Variants in KDM1B observed in about 807,000 individuals in gnomAD.
KDM1B encodes lysine-specific histone demethylase 2.
In KDM1B, 63 loss-of-function variants were observed where a neutral mutation model predicts 107.4. The ratio of observed to expected loss-of-function variants is 0.59; its 90% CI spans 0.48 to 0.72. The LOEUF (loss-of-function observed/expected upper bound fraction) is 0.72. Among genes scored for constraint, KDM1B ranks in the 30% least tolerant of loss-of-function variants. The pLI is 0.00. For synonymous variants in KDM1B, 363 were observed against 363.9 expected, an observed-to-expected ratio of 1.00 and a Z score of 0.03; for missense variants, 749 against 1,020.8, an observed-to-expected ratio of 0.73 and a Z score of 3.63.
rs1440612448 is a variant in KDM1B, at chr6:18,155,875, C to A, written c.-57-8C>A. On this transcript the variant is annotated splice_region_variant and splice_polypyrimidine_tract_variant and intron_variant, in intron 1 of 21. Coordinates refer to ENST00000650836, the MANE Select transcript of KDM1B (RefSeq NM_001364614.2). This position sits in a 1 kb window ranked among gnomAD's most constrained non-coding sequence, Gnocchi z 6.2. ...CTAACCCCCCTACAATGTTTCCTTT[C>A]TGTACAGCGGTGCCTTTTCCCCGAG... 1 of 152,272 alleles carries A rather than the reference C, an allele frequency of 6.6e-6. No homozygotes were observed. The highest frequency in any genetic ancestry group is 1.5e-5 in the Non-Finnish European group (1 of 68,100). The allele number at this position is 152,272 out of a possible 1,614,324, so 9.4% of individuals were successfully genotyped here. A position where few individuals can be genotyped will look rare whatever the true frequency, so the allele number is the denominator to read the frequency against.
At position 18,179,840 on chromosome 6, in the gene KDM1B, G is replaced by GATA. The variant is rs1561921251; in HGVS notation, c.535-5932_535-5931insATA. ...TCCAAAATCTTTCAATTTAGCATTG[G>GATA]TTTTTTTTCCTTTTTTTTTTTTTTT... On this transcript the variant is annotated intron_variant, in intron 7 of 21. Coordinates refer to ENST00000650836, the MANE Select transcript of KDM1B (RefSeq NM_001364614.2). 2.6e-3 allele frequency among the ~76,000 whole-genome samples: 203 copies of GATA among 79,228 alleles called. 60 individuals are homozygous for GATA. Among genetic ancestry groups the GATA allele is most frequent in the African/African-American group, 5.8e-3 (109 of 18,954 alleles). The allele number at this position is 79,228 out of a possible 152,430, so 52.0% of individuals were successfully genotyped here. A position where few individuals can be genotyped will look rare whatever the true frequency, so the allele number is the denominator to read the frequency against.
chr6:18,220,202 T>C (rs1789574341), intron 21 of KDM1B, among the ~76,000 whole-genome samples: 1 of 152,208 alleles, frequency 6.6e-6, no homozygotes, highest in Non-Finnish European at 1.5e-5. Context: ...TTTAATATGG[T>C]TTAGAAGTAC....
chr6:18,206,256 C>T (rs1788364817), intron 15 of KDM1B, among the ~76,000 whole-genome samples: 1 of 151,580 alleles, frequency 6.6e-6, no homozygotes, highest in African/African-American at 2.4e-5. Context: ...TGGCTCCCTT[C>T]TGTAATCCCA....
rs1784562853 is a variant in KDM1B, at chr6:18,155,919, G to C, written c.-21G>C. The C allele has an allele frequency of 6.6e-6, 1 of 152,166 alleles. No individual in the cohort carries two copies. Among genetic ancestry groups the C allele is most frequent in the African/African-American group, 2.4e-5 (1 of 41,440 alleles). The allele number at this position is 152,166 out of a possible 1,614,324, so 9.4% of individuals were successfully genotyped here. On this transcript the variant is annotated 5_prime_UTR_variant, in exon 2 of 22. Transcript: ENST00000650836. This position sits in a 1 kb window ranked among gnomAD's most constrained non-coding sequence, Gnocchi z 6.2. ...CCCCGAGACTCCCGGCACCTCTTCAGCGCAAAGGTGAGCCCCGGGGCAGTT... is the reference window on the plus strand; with the variant it reads ...CCCCGAGACTCCCGGCACCTCTTCACCGCAAAGGTGAGCCCCGGGGCAGTT...
At chr6:18,187,307 T>C (rs9477662) in intron 8 of KDM1B, among the ~76,000 whole-genome samples, 13,661 of 152,228 alleles carry the variant, frequency 0.09, 1,875 homozygotes, top group African/African-American at 0.3. Context: ...AGTTTTTTAG[T>C]AGCCTTTGGC....
At chr6:18,158,056 GC>G (rs1718105246) in intron 2 of KDM1B, among the ~76,000 whole-genome samples, 1 of 151,832 alleles carries the variant, frequency 6.6e-6, no homozygotes, top group Non-Finnish European at 1.5e-5. Context: ...GTCGTGATCC[GC>G]CCACCTCAGC....
intron 7 of KDM1B, among the ~76,000 whole-genome samples, chr6:18,173,484 A>G (rs112751294): frequency 1.7e-3 from 263 of 152,166 alleles, no homozygotes; most frequent in African/African-American, 6.2e-3. Context: ...TAGGTCTTTT[A>G]TGAGGAATTT....
intron 14 of KDM1B, among the ~76,000 whole-genome samples, chr6:18,202,683 C>G (rs1431612786): frequency 6.6e-6 from 1 of 152,140 alleles, no homozygotes; most frequent in Non-Finnish European, 1.5e-5. Flanking sequence ...CTGTATGTTT[C>G]TTTGCAAGAG....
chr6:18,188,152 A>G, intron 9 of KDM1B, 150 bp downstream of exon 9: 1 of 696,562 alleles, frequency 1.4e-6, no homozygotes, highest in Non-Finnish European at 2.4e-6. Flanking sequence ...TGGGTGGCCG[A>G]GGCAGGAGGG....
At chr6:18,171,320 G>C (rs772397480) in intron 6 of KDM1B, 43 bp from the exon 7 acceptor site, 3 of 961,298 alleles carry the variant, frequency 3.1e-6, no homozygotes, top group Non-Finnish European at 5.1e-6. Flanking sequence ...GGTAACTGAA[G>C]ATTAGCTCAC....
At chr6:18,217,168 C>T (rs988887483) in intron 20 of KDM1B, among the ~76,000 whole-genome samples, 4 of 151,956 alleles carry the variant, frequency 2.6e-5, no homozygotes, top group Admixed American at 6.6e-5. Flanking sequence ...GAGTGTGTCC[C>T]GGGCAGAAGG....
intron 14 of KDM1B, among the ~76,000 whole-genome samples, chr6:18,202,349 A>G (rs546128947): frequency 3.3e-5 from 5 of 151,926 alleles, no homozygotes; most frequent in East Asian, 1.9e-4. Context: ...CCAGTGAGCT[A>G]TGATCCCACC....
At position 18,191,606 on chromosome 6, in the gene KDM1B, C is replaced by T. The variant is rs1197611323; in HGVS notation, c.969+225C>T. Among the ~76,000 whole-genome samples the T allele has an allele frequency of 6.6e-6, 1 of 152,144 alleles. No homozygotes were observed. The highest frequency in any genetic ancestry group is 2.4e-5 in the African/African-American group (1 of 41,434). ...CACTAGATTCCAGTAATGCTTCCCA[C>T]CTGTGAAAACCAAATACGTCTATAG... On this transcript the variant is annotated intron_variant, in intron 10 of 21. Transcript: ENST00000650836. This position sits in a 1 kb window ranked among gnomAD's most constrained non-coding sequence, Gnocchi z 5.1.
rs1789891634 is a variant in KDM1B, at chr6:18,223,104, T to G, written c.*1112T>G. ...AAATAAAACACTGGTTGCAGGGTCT[T>G]CAGGATGCCTATTTTGCCAAGAAAC... On this transcript the variant is annotated 3_prime_UTR_variant, in exon 22 of 22. Coordinates refer to ENST00000650836, the MANE Select transcript of KDM1B (RefSeq NM_001364614.2). 6.6e-6 allele frequency: 1 copy of G among 152,544 alleles called. No homozygotes were observed. Among genetic ancestry groups the G allele is most frequent in the African/African-American group, 2.4e-5 (1 of 41,414 alleles). The allele number at this position is 152,544 out of a possible 1,614,324, so 9.4% of individuals were successfully genotyped here. A position where few individuals can be genotyped will look rare whatever the true frequency, so the allele number is the denominator to read the frequency against.
In KDM1B at chr6:18,217,838, G is replaced by A. The variant is rs1789366590; in HGVS notation, c.2338G>A (p.Asp780Asn). ...GACAGGTGGAAGTGGGGAGGCCTAC[G>A]ATATCATTGCTGAAGACATTCAAGG... ...VKTGGSGEAY[D>N]IIAEDIQGTV... Residue 780 changes from aspartate (D) to asparagine (N), a missense_variant, in exon 21 of 22, where the codon GAT (aspartate) becomes AAT (asparagine). Physicochemically the swap from Asp to Asn is conservative, Grantham distance 23. Transcript: ENST00000650836. The A allele has an allele frequency of 4.3e-6, 7 of 1,613,876 alleles. No individual in the cohort carries two copies. Among genetic ancestry groups the A allele is most frequent in the Non-Finnish European group, 5.1e-6 (6 of 1,179,976 alleles).
rs1471128440 is a variant in KDM1B, at chr6:18,209,730, C to T, written c.1866+1524C>T. On this transcript the variant is annotated intron_variant, in intron 17 of 21. Transcript: ENST00000650836. The surrounding 1 kb of genome is among the most constrained non-coding windows in gnomAD (Gnocchi z 4.3). ...AAGGGATCCTCTCACCTGAGCCTCC[C>T]TCGAGTAGCTGGGATTACAGGCATG... Among the ~76,000 whole-genome samples, 1 of 152,134 alleles carries T rather than the reference C, an allele frequency of 6.6e-6. No homozygotes were observed. The highest frequency in any genetic ancestry group is 2.4e-5 in the African/African-American group (1 of 41,432).
chr6:18,171,194 A>G (rs1429247574), intron 6 of KDM1B, among the ~76,000 whole-genome samples, 169 bp from the exon 7 acceptor site: 1 of 152,194 alleles, frequency 6.6e-6, no homozygotes, highest in Non-Finnish European at 1.5e-5. Flanking sequence ...TAAATCAGAA[A>G]TTATCCTAAT....
chr6:18,221,770 C>T (rs908570170), intron 21 of KDM1B, 139 bp from the exon 22 acceptor site: 5 of 679,874 alleles, frequency 7.4e-6, no homozygotes, highest in South Asian at 1.9e-5. Flanking sequence ...TCCAGTGTTA[C>T]GATGGGTGAG....
rs1402230627 is a variant in KDM1B at position 18,212,157 on chromosome 6, C to G, written c.1867-331C>G. 5.1e-5 allele frequency: 11 copies of G among 217,294 alleles called. No individual in the cohort carries two copies. Among genetic ancestry groups the G allele is most frequent in the South Asian group, 3.7e-4 (5 of 13,488 alleles). 13.5% of individuals were successfully genotyped at this position (217,294 alleles called of 1,614,324 possible). On this transcript the variant is annotated intron_variant, in intron 17 of 21. Coordinates refer to ENST00000650836, the MANE Select transcript of KDM1B (RefSeq NM_001364614.2). This position sits in a 1 kb window ranked among gnomAD's most constrained non-coding sequence, Gnocchi z 5.2. ...ACAGGGTTTCACCATGTTGGCCAGG[C>G]TGGTCTTGAACTCCTGACCTCAGGT...
Sources: allele counts gnomAD v4.1 joint callset (sites outside exome capture counted in the v4.1 genomes callset), GRCh38; gene constraint gnomAD v4.1.1; non-coding constraint Gnocchi (gnomAD v3.1); transcripts MANE v1.5; gene names NCBI Gene and HGNC (gene_info 2026-07-23, HGNC 2026-07-21).